PHLPP1: variants seen among roughly 807,000 people sequenced by gnomAD.
PHLPP1 encodes PH domain and leucine rich repeat protein phosphatase 1.
A neutral mutation model predicts 117.2 loss-of-function variants in PHLPP1; 42 were observed. That is an observed-to-expected ratio of 0.36 (90% CI 0.28 to 0.46). PHLPP1 has a LOEUF of 0.46. PHLPP1 is among the 20% of genes least tolerant of loss of function. PHLPP1 has a pLI of 1.00. For missense variants in PHLPP1, 2,084 were observed against 2,241.9 expected, an observed-to-expected ratio of 0.93 and a Z score of 1.42; for synonymous variants, 1,042 against 970.7, an observed-to-expected ratio of 1.07 and a Z score of -1.37.
chr18:62,821,755 TC>T (rs1914464866), intron 1 of PHLPP1, among the ~76,000 whole-genome samples: 1 of 150,858 alleles, frequency 6.6e-6, no homozygotes, highest in Non-Finnish European at 1.5e-5. Context: ...GAATGTATGT[TC>T]TTTTTTTTTT....
chr18:62,845,763 C>T (rs1488151549), intron 3 of PHLPP1, among the ~76,000 whole-genome samples: 3 of 152,142 alleles, frequency 2.0e-5, no homozygotes, highest in African/African-American at 7.2e-5. Flanking sequence ...TAGTTTGTAA[C>T]TTTGAGGTTG....
At chr18:62,932,883 ACT>A (rs1160845147) in intron 10 of PHLPP1, among the ~76,000 whole-genome samples, 2 of 152,098 alleles carry the variant, frequency 1.3e-5, no homozygotes, top group East Asian at 1.9e-4. Flanking sequence ...CCTCCAAAAG[ACT>A]CTCAGACTTG....
chr18:62,918,430 A>ATATATATATATG lies in PHLPP1; in HGVS notation c.2805-1518_2805-1517insGTATATATATAT. Among the ~76,000 whole-genome samples the ATATATATATATG allele has an allele frequency of 6.2e-5, 2 of 32,142 alleles. 1 individual carries two copies. The highest frequency in any genetic ancestry group is 1.8e-4 in the Non-Finnish European group (2 of 11,272). The allele number at this position is 32,142 out of a possible 152,430, so 21.1% of individuals were successfully genotyped here. The stretch of plus-strand genomic sequence containing the variant: ...TAGTTATTTATGTGGTAAAGGATAA[A>ATATATATATATG]TATATATATATATATATGATGAACC... On this transcript the variant is annotated intron_variant, in intron 9 of 16. Coordinates refer to ENST00000262719, the MANE Select transcript of PHLPP1 (RefSeq NM_194449.4).
intron 1 of PHLPP1, among the ~76,000 whole-genome samples, chr18:62,821,093 T>G (rs1296377891): frequency 1.3e-5 from 2 of 152,144 alleles, no homozygotes; most frequent in Non-Finnish European, 2.9e-5. Flanking sequence ...CCAGAATTTA[T>G]GGGATGCAGT....
chr18:62,947,419 T>C (rs1185270124), intron 12 of PHLPP1, among the ~76,000 whole-genome samples: 3 of 152,194 alleles, frequency 2.0e-5, no homozygotes, highest in African/African-American at 7.2e-5. Flanking sequence ...ATCCAAGAAA[T>C]TTATTACTTA....
At chr18:62,869,745 G>C (rs1915853192) in intron 4 of PHLPP1, among the ~76,000 whole-genome samples, 1 of 152,190 alleles carries the variant, frequency 6.6e-6, no homozygotes, top group Non-Finnish European at 1.5e-5. Flanking sequence ...ATTTTACACT[G>C]CAATAAAAGA....
chr18:62,822,280 G>GTTTTTTT (rs796719016), intron 1 of PHLPP1, among the ~76,000 whole-genome samples: 36 of 95,996 alleles, frequency 3.8e-4, no homozygotes, highest in Non-Finnish European at 5.9e-4. Flanking sequence ...TTTTTTTTTT[G>GTTTTTTT]TTTTTGTTTT....
intron 7 of PHLPP1, among the ~76,000 whole-genome samples, chr18:62,904,925 C>T (rs1599113064): frequency 6.6e-6 from 1 of 152,072 alleles, no homozygotes; most frequent in South Asian, 2.1e-4. Flanking sequence ...GGATGGTACT[C>T]GTGGTTAATC....
intron 1 of PHLPP1, among the ~76,000 whole-genome samples, chr18:62,720,325 C>T (rs914728295): frequency 3.3e-5 from 5 of 152,176 alleles, no homozygotes; most frequent in African/African-American, 7.2e-5. Context: ...CTCTTTTCTC[C>T]CAGCACTTAG....
chr18:62,891,037 G>T (rs940307079), intron 4 of PHLPP1, among the ~76,000 whole-genome samples: 3 of 152,112 alleles, frequency 2.0e-5, no homozygotes, highest in Admixed American at 1.3e-4. Context: ...GGATAGGGGA[G>T]GAAGCACCAG....
At chr18:62,874,671 A>G (rs1242631702) in intron 4 of PHLPP1, among the ~76,000 whole-genome samples, 5 of 151,138 alleles carry the variant, frequency 3.3e-5, no homozygotes, top group Non-Finnish European at 5.9e-5. Flanking sequence ...ACACACACAC[A>G]CACACACACA....
At chr18:62,775,516 C>CT (rs1056542343) in intron 1 of PHLPP1, among the ~76,000 whole-genome samples, 1 of 152,200 alleles carries the variant, frequency 6.6e-6, no homozygotes, top group Non-Finnish European at 1.5e-5. Context: ...TCACATTTAT[C>CT]TTTTCAGGTC....
intron 12 of PHLPP1, among the ~76,000 whole-genome samples, chr18:62,945,680 C>G (rs917246851): frequency 6.6e-6 from 1 of 152,182 alleles, no homozygotes; most frequent in Non-Finnish European, 1.5e-5. Flanking sequence ...ACCAACTCAC[C>G]CAGTTAAATA....
chr18:62,733,299 A>G (rs1332324931), intron 1 of PHLPP1, among the ~76,000 whole-genome samples: 1 of 152,224 alleles, frequency 6.6e-6, no homozygotes, highest in East Asian at 1.9e-4. Context: ...CAAAAAGATT[A>G]TGACTTGCCA....
intron 3 of PHLPP1, among the ~76,000 whole-genome samples, chr18:62,842,037 T>C (rs1233523397): frequency 1.3e-5 from 2 of 152,130 alleles, no homozygotes; most frequent in African/African-American, 2.4e-5. Context: ...ATAATAATAA[T>C]AGTACTTACC....
chr18:62,846,673 G>A (rs1282972126), intron 3 of PHLPP1, among the ~76,000 whole-genome samples: 1 of 152,042 alleles, frequency 6.6e-6, no homozygotes, highest in Non-Finnish European at 1.5e-5. Flanking sequence ...TATAGTAATG[G>A]ATTTGTTATA....
intron 3 of PHLPP1, chr18:62,839,775 A>G (rs1285656211): frequency 6.8e-6 from 1 of 146,720 alleles, no homozygotes; most frequent in African/African-American, 2.5e-5. Context: ...TATATAATAT[A>G]TATTTTATAA....
chr18:62,786,201 A>G (rs1401544175), intron 1 of PHLPP1, among the ~76,000 whole-genome samples: 1 of 152,232 alleles, frequency 6.6e-6, no homozygotes, highest in Non-Finnish European at 1.5e-5. Context: ...TGTTCCTTGC[A>G]GTGTAAGGAG....
At chr18:62,807,527 G>A (rs1315810219) in intron 1 of PHLPP1, among the ~76,000 whole-genome samples, 1 of 152,150 alleles carries the variant, frequency 6.6e-6, no homozygotes. Flanking sequence ...TAACAACAGG[G>A]ACACATTCTG....
Sources: allele counts gnomAD v4.1 joint callset (sites outside exome capture counted in the v4.1 genomes callset), GRCh38; gene constraint gnomAD v4.1.1; transcripts MANE v1.5; gene names NCBI Gene and HGNC (gene_info 2026-07-23, HGNC 2026-07-21).